MUC5B: variants seen among roughly 807,000 people sequenced by gnomAD.
MUC5B encodes mucin 5B, oligomeric mucus/gel-forming, also known as mucin-5B.
In MUC5B, 116 loss-of-function variants were observed where a neutral mutation model predicts 376.9. That is an observed-to-expected ratio of 0.31 (90% CI 0.26 to 0.36). The LOEUF (loss-of-function observed/expected upper bound fraction) is 0.36. Among genes scored for constraint, MUC5B ranks in the 10% least tolerant of loss-of-function variants. The probability of loss-of-function intolerance (pLI) is 1.00; values close to 1 mark genes in which losing one functional copy is unlikely to be tolerated. For missense variants in MUC5B, 7,165 were observed against 7,769.9 expected, an observed-to-expected ratio of 0.92 and a Z score of 2.93; for synonymous variants, 3,517 against 3,390.9, an observed-to-expected ratio of 1.04 and a Z score of -1.29.
At position 1,235,076 on chromosome 11, in the gene MUC5B, C is replaced by G. The variant is rs55771636; in HGVS notation, c.2631-9C>G. 0.03 allele frequency: 47,595 copies of G among 1,607,038 alleles called. 892 individuals are homozygous for G. Among genetic ancestry groups the G allele is most frequent in the Non-Finnish European group, 0.033 (38,373 of 1,176,606 alleles). ...CCCTGTGAGCAGGCACCATTGTGGCCCCTTGCAGCACCTGCAGGAACCGGA... is the reference window on the plus strand; with the variant it reads ...CCCTGTGAGCAGGCACCATTGTGGCGCCTTGCAGCACCTGCAGGAACCGGA... On this transcript the variant is annotated splice_polypyrimidine_tract_variant and intron_variant, in intron 21 of 48. Transcript: ENST00000529681.
rs892913268 is a variant in MUC5B at position 1,235,311 on chromosome 11, T to C, written c.2778T>C (p.Cys926=). The C allele has an allele frequency of 6.2e-7, 1 of 1,612,760 alleles. No homozygotes were observed. The highest frequency in any genetic ancestry group is 8.5e-7 in the Non-Finnish European group (1 of 1,179,628). ...SCEYILAQDY[C]GDNTTHGTFR... ...GTCTCTTTCTGGCCCAGGACTACTG[T>C]GGGGACAACACCACCCACGGGACCT... Residue 926 remains cysteine, a synonymous_variant, in exon 23 of 49, where the codon TGT becomes TGC. Coordinates refer to ENST00000529681, the MANE Select transcript of MUC5B (RefSeq NM_002458.3).
Position 1,247,040 on chromosome 11 carries a change from C to T in MUC5B, c.10160C>T (p.Pro3387Leu). Residue 3387 changes from proline (P) to leucine (L), a missense_variant, in exon 31 of 49, where the codon CCC becomes CTC. By Grantham distance (98) the Pro-to-Leu change is moderately conservative (BLOSUM62 -3). Transcript: ENST00000529681. ...TCTAGCACACAGACCAGTGGTACTCCCCCATCACTGACCACCACGGCCACT... is the reference window on the plus strand; with the variant it reads ...TCTAGCACACAGACCAGTGGTACTCTCCCATCACTGACCACCACGGCCACT... ...PSSSTQTSGT[P>L]PSLTTTATTI... The T allele has an allele frequency of 1.3e-6, 2 of 1,554,106 alleles. No homozygotes were observed. Among genetic ancestry groups the T allele is most frequent in the Non-Finnish European group, 1.7e-6 (2 of 1,148,522 alleles).
chr11:1,252,943 C>A lies in MUC5B; in HGVS notation c.15180C>A (p.Asp5060Glu). ...VNKHLPIKVS[D>E]PSQPCDFHYE... ...AGCACCTGCCCATCAAAGTGTCGGA[C>A]CCGAGCCAGCCCTGTGACTTCCACT... Residue 5060 changes from aspartate (D) to glutamate (E), a missense_variant, in exon 33 of 49, where the codon GAC (aspartate) becomes GAA (glutamate). By Grantham distance (45) the Asp-to-Glu change is conservative. This residue lies in a region of MUC5B where 842 missense variants were observed against 1,016.9 expected (regional missense o/e 0.83). Coordinates refer to ENST00000529681, the MANE Select transcript of MUC5B (RefSeq NM_002458.3). 6.2e-7 allele frequency: 1 copy of A among 1,612,666 alleles called. No individual in the cohort carries two copies. Among genetic ancestry groups the A allele is most frequent in the Non-Finnish European group, 8.5e-7 (1 of 1,179,864 alleles).
intron 3 of MUC5B, 118 bp downstream of exon 3, chr11:1,226,394 C>G (rs1162794012): frequency 7.3e-7 from 1 of 1,369,576 alleles, no homozygotes; most frequent in African/African-American, 1.4e-5. Context: ...GACCCAGAGT[C>G]CTCCGTGTGG....
chr11:1,225,760 G>C, intron 2 of MUC5B, 23 bp downstream of exon 2: 2 of 1,597,148 alleles, frequency 1.3e-6, no homozygotes, highest in Non-Finnish European at 1.7e-6. Flanking sequence ...GTTCGGGGGT[G>C]GGGGGTTCCT....
Position 1,234,788 on chromosome 11 carries a change from G to A in MUC5B, c.2630+108G>A, listed in dbSNP as rs1487193188. The A allele has an allele frequency of 9.0e-6, 8 of 893,052 alleles. No homozygotes were observed. Among genetic ancestry groups the A allele is most frequent in the Non-Finnish European group, 9.8e-6 (6 of 614,802 alleles). 55.3% of individuals were successfully genotyped at this position (893,052 alleles called of 1,614,324 possible). A position where few individuals can be genotyped will look rare whatever the true frequency, so the allele number is the denominator to read the frequency against. Reference sequence around the variant, plus strand: ...GGGCAGGGGGCGGGGAGGGCAGGGGGCCAGCTGGCCAGGGTGAGGTGGGGC... The same window carrying A: ...GGGCAGGGGGCGGGGAGGGCAGGGGACCAGCTGGCCAGGGTGAGGTGGGGC... On this transcript the variant is annotated intron_variant, in intron 21 of 48. Coordinates refer to ENST00000529681, the MANE Select transcript of MUC5B (RefSeq NM_002458.3). The surrounding 1 kb of genome is among the most constrained non-coding windows in gnomAD (Gnocchi z 6.3).
chr11:1,254,687 C>T lies in MUC5B; in HGVS notation c.15478-7C>T, dbSNP rs1862787889. On this transcript the variant is annotated splice_polypyrimidine_tract_variant and splice_region_variant and intron_variant, in intron 34 of 48. Transcript: ENST00000529681. ...TCCCAGCTCAGGGTTCCCCTGGATT[C>T]CCCCAGATCCTGTTTGACCAAATTC... The T allele has an allele frequency of 6.2e-7, 1 of 1,610,114 alleles. No homozygotes were observed. Among genetic ancestry groups the T allele is most frequent in the Non-Finnish European group, 8.5e-7 (1 of 1,177,900 alleles).
At position 1,243,923 on chromosome 11, in the gene MUC5B, G is replaced by T. The variant is rs1862373019; in HGVS notation, c.7043G>T (p.Gly2348Val). 6.2e-7 allele frequency: 1 copy of T among 1,607,320 alleles called. No individual in the cohort carries two copies. Among genetic ancestry groups the T allele is most frequent in the Non-Finnish European group, 8.5e-7 (1 of 1,177,002 alleles). ...FDTYSNIRAA[G>V]GAVCEQPLGL... is the part of the protein sequence containing the mutation. ...ACCTACTCCAACATCCGTGCGGCCG[G>T]AGGGGCCGTCTGTGAGCAGCCCCTG... Residue 2348 changes from glycine (G) to valine (V), a missense_variant, in exon 31 of 49, where the codon GGA becomes GTA. Coordinates refer to ENST00000529681, the MANE Select transcript of MUC5B (RefSeq NM_002458.3).
chr11:1,234,351 G>C lies in MUC5B; in HGVS notation c.2478+46G>C. On this transcript the variant is annotated intron_variant, in intron 20 of 48. Coordinates refer to ENST00000529681, the MANE Select transcript of MUC5B (RefSeq NM_002458.3). This position sits in a 1 kb window ranked among gnomAD's most constrained non-coding sequence, Gnocchi z 6.3. Reference sequence around the variant, plus strand: ...AGGGGTGGGCAGGGAAGGGGTCCCAGCTTTCCCAGCTCCCGAGCCCAGGGA... The same window carrying C: ...AGGGGTGGGCAGGGAAGGGGTCCCACCTTTCCCAGCTCCCGAGCCCAGGGA... 1 of 1,535,266 alleles carries C rather than the reference G, an allele frequency of 6.5e-7. No individual in the cohort carries two copies. The highest frequency in any genetic ancestry group is 2.4e-5 in the East Asian group (1 of 41,892).
Position 1,223,481 on chromosome 11 carries a change from G to T in MUC5B, c.70+288G>T, listed in dbSNP as rs970432613. ...GACCACCGAAAGGGTCTTGGTCTTG[G>T]GGGTGGGACAGGAGTGGGCAATGGG... is the stretch of plus-strand genomic sequence containing the variant. On this transcript the variant is annotated intron_variant, in intron 1 of 48. Coordinates refer to ENST00000529681, the MANE Select transcript of MUC5B (RefSeq NM_002458.3). The T allele has an allele frequency of 9.6e-6, 5 of 522,910 alleles. No homozygotes were observed. The African/African-American group carries it at 9.6e-5, about 10-fold the overall frequency. 32.4% of individuals were successfully genotyped at this position (522,910 alleles called of 1,614,324 possible). A position where few individuals can be genotyped will look rare whatever the true frequency, so the allele number is the denominator to read the frequency against.
rs373126591 is a variant in MUC5B, at chr11:1,234,487, C to G, written c.2479-42C>G. 57 of 1,555,396 alleles carry G rather than the reference C, an allele frequency of 3.7e-5. No homozygotes were observed. The highest frequency in any genetic ancestry group is 5.0e-5 in the Non-Finnish European group (57 of 1,150,158). ...CAGAGGGTGAGTGACATCTGCCCAC[C>G]CTGGTGTCCAGCCCTGACCGGTACC... is the stretch of plus-strand genomic sequence containing the variant. On this transcript the variant is annotated intron_variant, in intron 20 of 48. Transcript: ENST00000529681. This position sits in a 1 kb window ranked among gnomAD's most constrained non-coding sequence, Gnocchi z 6.3.
Position 1,252,624 on chromosome 11 carries a change from C to A in MUC5B, c.15045+100C>A, listed in dbSNP as rs1052521618. The A allele has an allele frequency of 6.5e-6, 9 of 1,388,820 alleles. No homozygotes were observed. The Admixed American group carries it at 7.9e-5, about 12-fold the overall frequency. 86.0% of individuals were successfully genotyped at this position (1,388,820 alleles called of 1,614,324 possible). On this transcript the variant is annotated intron_variant, in intron 32 of 48. Coordinates refer to ENST00000529681, the MANE Select transcript of MUC5B (RefSeq NM_002458.3). ...CAGCTCCCGAGGCCCGTCTCAGTGA[C>A]CCCGCCGCCAGTATCTCCAGTTGGA...
chr11:1,247,479 C>A lies in MUC5B; in HGVS notation c.10599C>A (p.Thr3533=), dbSNP rs755401248. ...CAGGGACGACCACCCCGGGCCACAC[C>A]AGGGGCACCTCCAGGACCACAGCCA... The part of the protein sequence containing the change: ...PSPGTTTPGH[T]RGTSRTTATA... The change falls in exon 31 of 49, where the codon ACC becomes ACA. Residue 3533 remains threonine (T), a synonymous_variant. Transcript: ENST00000529681. 1.2e-5 allele frequency: 19 copies of A among 1,608,134 alleles called. 1 individual carries two copies. Among genetic ancestry groups the A allele is most frequent in the Non-Finnish European group, 1.3e-5 (15 of 1,177,578 alleles).
At chr11:1,256,472 ATCCCC>A in intron 38 of MUC5B, 194 bp from the exon 39 acceptor site, 1 of 45,888 alleles carries the variant, frequency 2.2e-5, no homozygotes, top group Non-Finnish European at 3.6e-5. Context: ...AGCCCCACCC[ATCCCC>A]GCCCATACTT....
intron 23 of MUC5B, among the ~76,000 whole-genome samples, chr11:1,235,806 C>T (rs1288344723): frequency 2.0e-5 from 3 of 151,240 alleles, no homozygotes; most frequent in African/African-American, 7.3e-5. Flanking sequence ...CCCCCCCCCG[C>T]CCCCACGTAG....
intron 1 of MUC5B, 110 bp downstream of exon 1, chr11:1,223,303 C>T (rs1236601678): frequency 4.5e-5 from 31 of 695,470 alleles, no homozygotes; most frequent in Admixed American, 8.1e-5. Flanking sequence ...GATCCCCCTA[C>T]GACTCCCTGA....
rs748194131 is a variant in MUC5B at position 1,252,840 on chromosome 11, C to T, written c.15077C>T (p.Thr5026Met). The part of the protein sequence containing the change: ...VNETWTLENC[T>M]VARCVGDNRV... ...GAGACCTGGACCCTGGAGAACTGCA[C>T]GGTGGCCAGGTGCGTGGGTGACAAC... The change falls in exon 33 of 49, where the codon ACG (threonine) becomes ATG (methionine). Residue 5026 changes from threonine (T) to methionine (M), a missense_variant. Coordinates refer to ENST00000529681, the MANE Select transcript of MUC5B (RefSeq NM_002458.3). The T allele has an allele frequency of 3.0e-5, 49 of 1,611,338 alleles. No homozygotes were observed. The Middle Eastern group carries it at 8.3e-4, about 27-fold the overall frequency.
In MUC5B at chr11:1,258,217, G is replaced by T; in HGVS notation, c.16555+14G>T. The T allele has an allele frequency of 1.9e-6, 3 of 1,577,492 alleles. No individual in the cohort carries two copies. The highest frequency in any genetic ancestry group is 1.3e-5 in the African/African-American group (1 of 74,382). ...CCTTCCGCTGCAGTGAGCGGGGCTG[G>T]GGCCGGGCTCCTGGGTGGCCTCTTG... On this transcript the variant is annotated intron_variant, in intron 42 of 48. Coordinates refer to ENST00000529681, the MANE Select transcript of MUC5B (RefSeq NM_002458.3). This position sits in a 1 kb window ranked among gnomAD's most constrained non-coding sequence, Gnocchi z 5.5.
rs761679796 is a variant in MUC5B at position 1,242,853 on chromosome 11, C to G, written c.5973C>G (p.Thr1991=). ...TPIPSSSLGT[T]WTRLSQTTTP... ...TCCCCTCTTCCTCCCTGGGCACCAC[C>G]TGGACCCGCCTATCACAGACCACCA... is the stretch of plus-strand genomic sequence containing the variant. Residue 1991 remains threonine (T), a synonymous_variant, in exon 31 of 49, where the codon ACC becomes ACG. Transcript: ENST00000529681. 1 of 1,613,320 alleles carries G rather than the reference C, an allele frequency of 6.2e-7. No individual in the cohort carries two copies. Among genetic ancestry groups the G allele is most frequent in the Admixed American group, 1.7e-5 (1 of 59,978 alleles).
Sources: allele counts gnomAD v4.1 joint callset (sites outside exome capture counted in the v4.1 genomes callset), GRCh38; gene constraint gnomAD v4.1.1; regional missense constraint gnomAD v4.1.1; non-coding constraint Gnocchi (gnomAD v3.1); transcripts MANE v1.5; gene names NCBI Gene and HGNC (gene_info 2026-07-23, HGNC 2026-07-21).